GRK5: variants seen among roughly 807,000 people sequenced by gnomAD.
GRK5 encodes the protein g protein-coupled receptor kinase GRK5.
Under a neutral mutation model 78.4 loss-of-function variants are expected in GRK5, and 40 were observed. The ratio of observed to expected loss-of-function variants is 0.51; its 90% CI spans 0.40 to 0.66. The LOEUF (loss-of-function observed/expected upper bound fraction) is 0.66. Among genes scored for constraint, GRK5 ranks in the 30% least tolerant of loss-of-function variants. The probability of loss-of-function intolerance (pLI) is 0.00; values close to 1 mark genes in which losing one functional copy is unlikely to be tolerated. For synonymous variants in GRK5, 289 were observed against 296.8 expected (o/e 0.97, Z 0.27); for missense variants, 598 against 759.9 (o/e 0.79, Z 2.50).
chr10:119,284,292 T>G (rs1849812104), intron 1 of GRK5, among the ~76,000 whole-genome samples: 1 of 152,168 alleles, frequency 6.6e-6, no homozygotes, highest in Non-Finnish European at 1.5e-5. Flanking sequence ...ATCCAGTATC[T>G]GCAAATGGTT....
At position 119,373,231 on chromosome 10, in the gene GRK5, A is replaced by C. The variant is rs189784913; in HGVS notation, c.149-7584A>C. Among the ~76,000 whole-genome samples, 18 of 152,356 alleles carry C rather than the reference A, an allele frequency of 1.2e-4. No individual in the cohort carries two copies. The East Asian group carries it at 3.5e-3, about 29-fold the overall frequency. On this transcript the variant is annotated intron_variant, in intron 2 of 15. Transcript: ENST00000392870. ...GGAAAAGCACTGCTTTAAACTGGAG[A>C]GTATGTTAAAACACAGATTTCTGGG...
chr10:119,333,581 C>A, intron 2 of GRK5: 1 of 357,666 alleles, frequency 2.8e-6, no homozygotes, highest in South Asian at 2.1e-5. Context: ...CCTTGCAACT[C>A]CCCATGAGCA....
At position 119,412,894 on chromosome 10, in the gene GRK5, G is replaced by A. The variant is rs1852373076; in HGVS notation, c.340-10272G>A. 6.6e-6 allele frequency among the ~76,000 whole-genome samples: 1 copy of A among 152,300 alleles called. No individual in the cohort carries two copies. Among genetic ancestry groups the A allele is most frequent in the African/African-American group, 2.4e-5 (1 of 41,556 alleles). ...AGACCCCGTCGCTGCAGCTGGGTGA[G>A]CAGGGCTGAGTGAGCTCAGGGAATC... On this transcript the variant is annotated intron_variant, in intron 4 of 15. Transcript: ENST00000392870. The surrounding 1 kb of genome is among the most constrained non-coding windows in gnomAD (Gnocchi z 4.3).
chr10:119,392,665 A>G (rs1482256942), intron 3 of GRK5, among the ~76,000 whole-genome samples: 1 of 152,130 alleles, frequency 6.6e-6, no homozygotes, highest in African/African-American at 2.4e-5. Context: ...CGGCCTCCCA[A>G]AGTGCTGGGA....
At chr10:119,368,968 G>A (rs1331624219) in intron 2 of GRK5, among the ~76,000 whole-genome samples, 3 of 152,208 alleles carry the variant, frequency 2.0e-5, no homozygotes, top group Non-Finnish European at 4.4e-5. Context: ...GTTTGGAAGC[G>A]TGTGGCCTCC....
chr10:119,298,841 C>T (rs558259565), intron 1 of GRK5, among the ~76,000 whole-genome samples: 26 of 152,140 alleles, frequency 1.7e-4, no homozygotes, highest in African/African-American at 6.3e-4. Flanking sequence ...TTCCATTTAC[C>T]CCCCAGCCAC....
chr10:119,257,868 G>T (rs1015788434), intron 1 of GRK5, among the ~76,000 whole-genome samples: 1 of 152,218 alleles, frequency 6.6e-6, no homozygotes, highest in African/African-American at 2.4e-5. Flanking sequence ...ACAGGATTCT[G>T]GCACAGCTAG....
chr10:119,313,243 T>TG (rs1850424207), intron 1 of GRK5, among the ~76,000 whole-genome samples: 2 of 147,742 alleles, frequency 1.4e-5, no homozygotes, highest in East Asian at 2.1e-4. Context: ...ATGGTGGTGG[T>TG]AATGGTGGTG....
At chr10:119,281,025 G>A (rs890605969) in intron 1 of GRK5, among the ~76,000 whole-genome samples, 2 of 151,804 alleles carry the variant, frequency 1.3e-5, no homozygotes, top group African/African-American at 2.4e-5. Context: ...TGATCCACAC[G>A]CCTTGGCCTC....
intron 2 of GRK5, among the ~76,000 whole-genome samples, chr10:119,371,804 G>A (rs1430515752): frequency 2.0e-5 from 3 of 152,260 alleles, no homozygotes; most frequent in Admixed American, 6.5e-5. Context: ...AGAGGAGATA[G>A]GATCTGTCCA....
Position 119,412,174 on chromosome 10 carries a change from C to T in GRK5, c.340-10992C>T, listed in dbSNP as rs983208202. On this transcript the variant is annotated intron_variant, in intron 4 of 15. Transcript: ENST00000392870. The surrounding 1 kb of genome is among the most constrained non-coding windows in gnomAD (Gnocchi z 4.3). The stretch of plus-strand genomic sequence containing the variant: ...CCTCAGATCCGCTTCTGATTGGAGG[C>T]TGTGCCCACCTTCATGGGAAACGGT... Among the ~76,000 whole-genome samples, 3 of 152,088 alleles carry T rather than the reference C, an allele frequency of 2.0e-5. No homozygotes were observed. Among genetic ancestry groups the T allele is most frequent in the African/African-American group, 7.2e-5 (3 of 41,416 alleles).
chr10:119,433,460 G>A (rs1852860881), intron 8 of GRK5, among the ~76,000 whole-genome samples: 1 of 151,994 alleles, frequency 6.6e-6, no homozygotes, highest in South Asian at 2.1e-4. Flanking sequence ...CTTTAACTGT[G>A]CCCCATCCAC....
chr10:119,416,883 C>T (rs770462741), intron 4 of GRK5, among the ~76,000 whole-genome samples: 10 of 152,216 alleles, frequency 6.6e-5, no homozygotes, highest in South Asian at 2.1e-4. Context: ...CGTGAGCCAC[C>T]GCACCTGGCT....
At position 119,456,592 on chromosome 10, in the gene GRK5, A is replaced by G. The variant is rs1853405724; in HGVS notation, c.*1525A>G. The G allele has an allele frequency of 1.3e-5, 2 of 152,300 alleles. No individual in the cohort carries two copies. The highest frequency in any genetic ancestry group is 2.9e-5 in the Non-Finnish European group (2 of 68,084). The allele number at this position is 152,300 out of a possible 1,614,324, so 9.4% of individuals were successfully genotyped here. ...CTGATGTCTGACTGTGCCACCCAGC[A>G]GCTGCCAGGGTCTCTCACCATGTGG... On this transcript the variant is annotated 3_prime_UTR_variant, in exon 16 of 16. Transcript: ENST00000392870. The surrounding 1 kb of genome is among the most constrained non-coding windows in gnomAD (Gnocchi z 5.5).
At chr10:119,310,998 G>C (rs1563286) in intron 1 of GRK5, among the ~76,000 whole-genome samples, 149,255 of 152,242 alleles carry the variant, frequency 0.98, 73,218 homozygotes, top group East Asian at 1. Flanking sequence ...TCAACAGACA[G>C]AGTGAGATGG....
chr10:119,292,849 GTT>G (rs10712644), intron 1 of GRK5, among the ~76,000 whole-genome samples: 30 of 149,202 alleles, frequency 2.0e-4, no homozygotes, highest in African/African-American at 3.4e-4. Context: ...TACAGATACA[GTT>G]TTTTTTTTTT....
At chr10:119,246,032 AAAAAAAAAAAAAAG>A (rs1849105188) in intron 1 of GRK5, among the ~76,000 whole-genome samples, 4 of 150,700 alleles carry the variant, frequency 2.7e-5, no homozygotes, top group Non-Finnish European at 4.4e-5. Flanking sequence ...AAAAAAAAAA[AAAAAAAAAAAAAAG>A]AAAAAAAGAT....
At chr10:119,208,178 G>A (rs1242580856) in intron 1 of GRK5, among the ~76,000 whole-genome samples, 3 of 152,272 alleles carry the variant, frequency 2.0e-5, no homozygotes, top group Non-Finnish European at 4.4e-5. Context: ...TGAGAAGGTT[G>A]CAGGGATTTG....
intron 2 of GRK5, chr10:119,333,148 G>C (rs952061730): frequency 1.3e-5 from 2 of 152,394 alleles, no homozygotes; most frequent in Non-Finnish European, 2.9e-5. Context: ...TTTGAAATTA[G>C]AGCTCTTCTA....
Sources: gnomAD v4.1 joint callset for allele counts (sites outside exome capture counted in the v4.1 genomes callset) on GRCh38, gnomAD v4.1.1 for gene constraint, Gnocchi (gnomAD v3.1) non-coding constraint, MANE v1.5 for transcripts, NCBI Gene and HGNC (gene_info 2026-07-23, HGNC 2026-07-21) for gene names.